Variants in NOSTRIN observed in about 807,000 individuals in gnomAD.
NOSTRIN encodes the protein nitric oxide synthase trafficking.
Under a neutral mutation model 59.0 loss-of-function variants are expected in NOSTRIN, and 63 were observed. The observed-to-expected ratio is 1.07, with a 90% CI of 0.87 to 1.32. The LOEUF (loss-of-function observed/expected upper bound fraction) is 1.32. Among genes scored for constraint, NOSTRIN ranks in the 40% most tolerant of loss-of-function variants. NOSTRIN has a pLI of 0.00. For missense variants in NOSTRIN, 512 were observed against 473.1 expected, an observed-to-expected ratio of 1.08 and a Z score of -0.76; for synonymous variants, 200 against 165.4, an observed-to-expected ratio of 1.21 and a Z score of -1.61.
chr2:168,825,640 G>A (rs1412631642), intron 3 of NOSTRIN, among the ~76,000 whole-genome samples: 2 of 152,140 alleles, frequency 1.3e-5, no homozygotes, highest in Admixed American at 6.5e-5. Context: ...ATATATTGCA[G>A]CACTAAGAAT....
chr2:168,806,043 A>C (rs535079753), intron 1 of NOSTRIN, among the ~76,000 whole-genome samples: 8 of 152,312 alleles, frequency 5.3e-5, no homozygotes, highest in African/African-American at 1.9e-4. Flanking sequence ...CCCGTAATCT[A>C]TGACAGTCTG....
chr2:168,832,619 A>T (rs1247697493), intron 6 of NOSTRIN, among the ~76,000 whole-genome samples: 5 of 152,174 alleles, frequency 3.3e-5, no homozygotes, highest in Admixed American at 3.3e-4. Flanking sequence ...ACATTAATAA[A>T]AAGTGTTTGA....
intron 8 of NOSTRIN, 166 bp from the exon 9 acceptor site, chr2:168,850,918 C>T (rs540652): frequency 0.47 from 374,734 of 799,302 alleles, 91,274 homozygotes; most frequent in South Asian, 0.62. Flanking sequence ...TACCAAGACA[C>T]ATTCCTTCCT....
upstream of NOSTRIN, among the ~76,000 whole-genome samples, chr2:168,797,079 CTTTTTTTTTTTTT>C (rs775176252): frequency 5.2e-3 from 392 of 75,054 alleles, 4 homozygotes; most frequent in African/African-American, 0.017. Flanking sequence ...TTTCTTTTTT[CTTTTTTTTTTTTT>C]TTTTTTTTTG....
At chr2:168,793,322 A>G (rs1456150801), upstream of NOSTRIN, among the ~76,000 whole-genome samples, 2 of 152,184 alleles carry the variant, frequency 1.3e-5, no homozygotes, top group Non-Finnish European at 2.9e-5. Flanking sequence ...AAATCTAAAT[A>G]TTGGCCAGGC....
At chr2:168,834,507 G>GCGCGCGCGCACACACACACACA (rs756381301) in intron 7 of NOSTRIN, among the ~76,000 whole-genome samples, 182 bp downstream of exon 7, 30 of 125,414 alleles carry the variant, frequency 2.4e-4, no homozygotes, top group East Asian at 1.2e-3. Context: ...GCGCGCGCGC[G>GCGCGCGCGCACACACACACACA]CACACACACA....
In NOSTRIN at chr2:168,840,490, A is replaced by G. The variant is rs376901101; in HGVS notation, c.505-2502A>G. Among the ~76,000 whole-genome samples, 25 of 138,900 alleles carry G rather than the reference A, an allele frequency of 1.8e-4. No individual in the cohort carries two copies. In the East Asian group the frequency reaches 2.5e-3, roughly 14 times the overall value. 91.1% of individuals were successfully genotyped at this position (138,900 alleles called of 152,430 possible). ...GCTTGCAGTGAGCTGAGATCGTGCCACTGCACTCCAGCCTGGGGGACAGGG... is the reference window on the plus strand; with the variant it reads ...GCTTGCAGTGAGCTGAGATCGTGCCGCTGCACTCCAGCCTGGGGGACAGGG... On this transcript the variant is annotated intron_variant, in intron 7 of 15. Coordinates refer to ENST00000317647, the MANE Select transcript of NOSTRIN (RefSeq NM_001039724.4).
Position 168,789,465 on chromosome 2 carries a change from G to A in NOSTRIN, c.-473+1417G>A, listed in dbSNP as rs1574244251. ...TCAGATCTCATGAGACTTATTCACT[G>A]TCATGAGAACAGCACAAGAAGCACC... On this transcript the variant is annotated intron_variant, in intron 2 of 20. Coordinates refer to the NOSTRIN transcript ENST00000458381. 6.6e-5 allele frequency among the ~76,000 whole-genome samples: 10 copies of A among 152,292 alleles called. 2 individuals carry two copies. In the South Asian group the frequency reaches 2.1e-3, roughly 32 times the overall value.
intron 2 of NOSTRIN, among the ~76,000 whole-genome samples, chr2:168,814,415 C>A (rs1406464129): frequency 6.6e-6 from 1 of 152,216 alleles, no homozygotes; most frequent in Non-Finnish European, 1.5e-5. Context: ...CAGATTCCCA[C>A]CAGCTATCTA....
At chr2:168,811,710 T>C in intron 2 of NOSTRIN, 58 bp downstream of exon 2, 1 of 734,074 alleles carries the variant, frequency 1.4e-6, no homozygotes, top group Non-Finnish European at 2.4e-6. Flanking sequence ...GCAAGTGATA[T>C]GACTGGAGGA....
chr2:168,834,507 G>GCGCGCACACACACACACA (rs756381301), intron 7 of NOSTRIN, among the ~76,000 whole-genome samples, 182 bp downstream of exon 7: 103 of 125,418 alleles, frequency 8.2e-4, no homozygotes, highest in Middle Eastern at 4.2e-3. Context: ...GCGCGCGCGC[G>GCGCGCACACACACACACA]CACACACACA....
chr2:168,797,541 C>T (rs1236048056), upstream of NOSTRIN, among the ~76,000 whole-genome samples: 5 of 152,130 alleles, frequency 3.3e-5, no homozygotes, highest in African/African-American at 9.7e-5. Context: ...TCAGCTGGGC[C>T]AACATAAAGC....
At chr2:168,858,069 G>A (rs1042056856) in intron 12 of NOSTRIN, among the ~76,000 whole-genome samples, 1 of 152,224 alleles carries the variant, frequency 6.6e-6, no homozygotes, top group Non-Finnish European at 1.5e-5. Flanking sequence ...CATTTTCTGT[G>A]ACCGCACAAG....
Position 168,814,743 on chromosome 2 carries a change from G to A in NOSTRIN, c.113+3091G>A, listed in dbSNP as rs935451466. ...ATGAGGGGTACCTGCCACCTAAAAT[G>A]CATTCAGTAAATACTTGCAGACTGA... On this transcript the variant is annotated intron_variant, in intron 2 of 15. Coordinates refer to ENST00000317647, the MANE Select transcript of NOSTRIN (RefSeq NM_001039724.4). 7.2e-5 allele frequency among the ~76,000 whole-genome samples: 11 copies of A among 152,166 alleles called. No individual in the cohort carries two copies. In the South Asian group the frequency reaches 2.3e-3, roughly 32 times the overall value.
At chr2:168,817,704 G>A (rs557350804) in intron 2 of NOSTRIN, among the ~76,000 whole-genome samples, 133 of 152,218 alleles carry the variant, frequency 8.7e-4, no homozygotes, top group Middle Eastern at 3.4e-3. Flanking sequence ...GAGTGAGCCG[G>A]GGCTCAGTGA....
chr2:168,860,875 T>C lies in NOSTRIN; in HGVS notation c.1260T>C (p.Ser420=). The C allele has an allele frequency of 6.2e-7, 1 of 1,614,086 alleles. No homozygotes were observed. Residue 420 remains serine, a synonymous_variant, in exon 14 of 16, where the codon TCT becomes TCC. Transcript: ENST00000317647. ...RLENIVSKAS[S]GGQSNPGSST... is the part of the protein sequence containing the mutation. Reference sequence around the variant, plus strand: ...AGAATATTGTGAGCAAGGCATCTTCTGGTGGGCAGAGCAATCCAGGTTCTT... The same window carrying C: ...AGAATATTGTGAGCAAGGCATCTTCCGGTGGGCAGAGCAATCCAGGTTCTT...
intron 13 of NOSTRIN, 139 bp downstream of exon 13, chr2:168,859,776 TTTTTA>T (rs1689331545): frequency 1.9e-5 from 22 of 1,188,000 alleles, no homozygotes; most frequent in Non-Finnish European, 2.4e-5. Context: ...AAGATAAATG[TTTTTA>T]TTTTTCTTTT....
At chr2:168,804,536 A>T (rs915815655) in intron 1 of NOSTRIN, among the ~76,000 whole-genome samples, 1 of 152,196 alleles carries the variant, frequency 6.6e-6, no homozygotes, top group African/African-American at 2.4e-5. Flanking sequence ...GCGGTTTGGG[A>T]ACAAAATAAG....
chr2:168,801,386 TA>T (rs112602633), upstream of NOSTRIN, among the ~76,000 whole-genome samples: 497 of 142,372 alleles, frequency 3.5e-3, 2 homozygotes, highest in African/African-American at 0.01. Context: ...ACATCCTAAT[TA>T]AAAAAAAAAA....
Sources: allele counts gnomAD v4.1 joint callset (sites outside exome capture counted in the v4.1 genomes callset), GRCh38; gene constraint gnomAD v4.1.1; transcripts MANE v1.5; gene names NCBI Gene and HGNC (gene_info 2026-07-23, HGNC 2026-07-21).